PRKCE: variants seen among roughly 807,000 people sequenced by gnomAD.
The protein encoded by PRKCE is protein kinase C epsilon, also known as protein kinase C epsilon type.
Under a neutral mutation model 85.4 loss-of-function variants are expected in PRKCE, and 16 were observed. The ratio of observed to expected loss-of-function variants is 0.19; its 90% confidence interval spans 0.13 to 0.28. PRKCE has a LOEUF of 0.28. Ranked by LOEUF, PRKCE falls within the 10% of genes least tolerant of loss-of-function variation. The pLI is 1.00. For missense variants in PRKCE, 573 were observed against 975.2 expected (o/e 0.59, Z 5.49); for synonymous variants, 388 against 371.5 (o/e 1.04, Z -0.51).
Position 45,722,240 on chromosome 2 carries a change from G to T in PRKCE, c.348+69792G>T, listed in dbSNP as rs60025577. Among the ~76,000 whole-genome samples, 863 of 152,080 alleles carry T rather than the reference G, an allele frequency of 5.7e-3. 5 individuals carry two copies. Among genetic ancestry groups the T allele is most frequent in the African/African-American group, 0.02 (818 of 41,488 alleles). On this transcript the variant is annotated intron_variant, in intron 1 of 14. Transcript: ENST00000306156. The stretch of plus-strand genomic sequence containing the variant: ...CTTTTTAATTTTTTAATTTAATTTA[G>T]TTTTTATTATTCTTTAAGTTCTAGG...
rs1225169600 is a variant in PRKCE at position 45,997,492 on chromosome 2, A to G, written c.824-3912A>G. Among the ~76,000 whole-genome samples the G allele has an allele frequency of 2.0e-5, 3 of 152,128 alleles. No individual in the cohort carries two copies. The East Asian group carries it at 5.8e-4, about 29-fold the overall frequency. On this transcript the variant is annotated intron_variant, in intron 6 of 14. Transcript: ENST00000306156. ...CTTCCTTTGAAGCACTGCTTTTGCTATATCCCACTAATTTTGATGTTGTAT... is the reference window on the plus strand; with the variant it reads ...CTTCCTTTGAAGCACTGCTTTTGCTGTATCCCACTAATTTTGATGTTGTAT...
At chr2:45,932,769 C>G (rs1013850569) in intron 2 of PRKCE, among the ~76,000 whole-genome samples, 16 of 152,166 alleles carry the variant, frequency 1.1e-4, no homozygotes, top group Non-Finnish European at 2.1e-4. Flanking sequence ...AAATTCCGTA[C>G]CCACGAAACA....
chr2:45,690,782 T>A (rs973444726), intron 1 of PRKCE, among the ~76,000 whole-genome samples: 2 of 152,188 alleles, frequency 1.3e-5, no homozygotes, highest in Non-Finnish European at 2.9e-5. Context: ...GAGACCAATG[T>A]ACTTTTTTAG....
chr2:46,177,334 A>G (rs983049387), intron 14 of PRKCE, among the ~76,000 whole-genome samples: 1 of 152,246 alleles, frequency 6.6e-6, no homozygotes, highest in Non-Finnish European at 1.5e-5. Flanking sequence ...CAGGGCTACC[A>G]TAACAAAGTA....
At chr2:45,878,612 GA>G (rs1405089317) in intron 2 of PRKCE, among the ~76,000 whole-genome samples, 2 of 152,182 alleles carry the variant, frequency 1.3e-5, no homozygotes, top group African/African-American at 4.8e-5. Context: ...CTGCGTTAAA[GA>G]AGATTTTTAA....
chr2:45,990,883 A>G (rs1703739401), intron 6 of PRKCE, among the ~76,000 whole-genome samples: 1 of 152,000 alleles, frequency 6.6e-6, no homozygotes. Flanking sequence ...GCTGGTCTCA[A>G]ACTCCTGACC....
intron 2 of PRKCE, among the ~76,000 whole-genome samples, chr2:45,955,599 G>A (rs1700918775): frequency 6.6e-6 from 1 of 152,124 alleles, no homozygotes; most frequent in South Asian, 2.1e-4. Flanking sequence ...CAGAAGGATC[G>A]CTTGAGCCCT....
chr2:45,996,067 C>G (rs375963740), intron 6 of PRKCE, among the ~76,000 whole-genome samples: 5 of 151,912 alleles, frequency 3.3e-5, no homozygotes, highest in African/African-American at 1.2e-4. Flanking sequence ...TTATATAGAT[C>G]TTGTACATAT....
At chr2:45,873,158 A>G (rs1694222961) in intron 2 of PRKCE, among the ~76,000 whole-genome samples, 1 of 152,200 alleles carries the variant, frequency 6.6e-6, no homozygotes, top group Admixed American at 6.5e-5. Flanking sequence ...TTAATATTGG[A>G]CGGCCACTTC....
intron 1 of PRKCE, among the ~76,000 whole-genome samples, chr2:45,663,501 A>G (rs1294686948): frequency 6.6e-6 from 1 of 152,228 alleles, no homozygotes; most frequent in Non-Finnish European, 1.5e-5. Flanking sequence ...AGAAGAATAT[A>G]GAAAATGTTG....
intron 2 of PRKCE, among the ~76,000 whole-genome samples, chr2:45,967,680 C>CA (rs1701824395): frequency 6.6e-6 from 1 of 151,894 alleles, no homozygotes; most frequent in African/African-American, 2.4e-5. Flanking sequence ...AAGATACAGT[C>CA]AGGATGACTC....
intron 2 of PRKCE, among the ~76,000 whole-genome samples, chr2:45,921,951 T>C (rs1698280309): frequency 6.6e-6 from 1 of 152,200 alleles, no homozygotes; most frequent in Non-Finnish European, 1.5e-5. Context: ...TATCAATATA[T>C]ATCACATGTT....
chr2:45,970,494 C>G (rs774239979), intron 2 of PRKCE, among the ~76,000 whole-genome samples: 21 of 152,026 alleles, frequency 1.4e-4, no homozygotes, highest in Non-Finnish European at 2.4e-4. Flanking sequence ...TTCAATGTGA[C>G]AACATCCTGG....
At chr2:45,743,510 GC>G (rs1267932705) in intron 1 of PRKCE, among the ~76,000 whole-genome samples, 1 of 151,646 alleles carries the variant, frequency 6.6e-6, no homozygotes, top group Non-Finnish European at 1.5e-5. Context: ...TAGACTTGAT[GC>G]TTTTTTGCCT....
At chr2:45,955,691 G>T (rs1007352236) in intron 2 of PRKCE, among the ~76,000 whole-genome samples, 3 of 151,864 alleles carry the variant, frequency 2.0e-5, no homozygotes, top group Non-Finnish European at 4.4e-5. Flanking sequence ...AATGCTTTAG[G>T]CAGATGTTCA....
At chr2:45,962,105 C>T (rs530675590) in intron 2 of PRKCE, among the ~76,000 whole-genome samples, 4 of 152,122 alleles carry the variant, frequency 2.6e-5, no homozygotes, top group African/African-American at 7.2e-5. Flanking sequence ...GGGTGACTAG[C>T]GTATGCAGGG....
intron 1 of PRKCE, among the ~76,000 whole-genome samples, chr2:45,734,198 C>G (rs1255584769): frequency 6.6e-6 from 1 of 152,074 alleles, no homozygotes; most frequent in Non-Finnish European, 1.5e-5. Context: ...AACCCCGTCT[C>G]TACTAAAAAT....
intron 2 of PRKCE, among the ~76,000 whole-genome samples, chr2:45,969,094 A>G (rs1267557728): frequency 8.8e-6 from 1 of 113,276 alleles, no homozygotes; most frequent in Non-Finnish European, 2.0e-5. Flanking sequence ...TTCATAGCCT[A>G]ATTGAATCAA....
chr2:46,064,859 T>C (rs926350056), intron 10 of PRKCE, among the ~76,000 whole-genome samples: 7 of 152,212 alleles, frequency 4.6e-5, no homozygotes, highest in African/African-American at 1.7e-4. Flanking sequence ...TGTATCGTCC[T>C]TTCATGTGGG....
Sources: allele counts gnomAD v4.1 joint callset (sites outside exome capture counted in the v4.1 genomes callset), GRCh38; gene constraint gnomAD v4.1.1; transcripts MANE v1.5; gene names NCBI Gene and HGNC (gene_info 2026-07-23, HGNC 2026-07-21).